The following SNX18 variants were observed in gnomAD, a reference collection of about 807,000 sequenced individuals.
The protein encoded by SNX18 is sorting nexin 18, also known as sorting nexin-18.
SNX18 carries 35 observed loss-of-function variants against 48.7 expected under a neutral mutation model. The observed-to-expected ratio is 0.72, with a 90% CI of 0.55 to 0.95. SNX18 has a LOEUF of 0.95. SNX18 is among the 40% of genes least tolerant of loss of function. The probability of loss-of-function intolerance (pLI) is 0.00; values close to 1 mark genes in which losing one functional copy is unlikely to be tolerated. For synonymous variants in SNX18, 492 were observed against 384.7 expected (o/e 1.28, Z -3.26); for missense variants, 824 against 871.0 (o/e 0.95, Z 0.68).
At chr5:54,562,211 G>A in the SNX18 span, among the ~76,000 whole-genome samples, 1 of 152,226 alleles carries the variant, frequency 6.6e-6, no homozygotes, top group Non-Finnish European at 1.5e-5. Context: ...TGGACACCAA[G>A]AGGAGGTGAC....
At chr5:54,564,354 A>G in the SNX18 span, among the ~76,000 whole-genome samples, 272 of 152,302 alleles carry the variant, frequency 1.8e-3, 1 homozygote, top group African/African-American at 6.4e-3. Flanking sequence ...AATACAGCCT[A>G]ATTTATTTTC....
At chr5:54,528,029 G>T (rs1185168448) in intron 1 of SNX18, among the ~76,000 whole-genome samples, 2 of 152,050 alleles carry the variant, frequency 1.3e-5, no homozygotes, top group Non-Finnish European at 2.9e-5. Flanking sequence ...TTGGGGAGGG[G>T]AGGGGAAGTT....
At chr5:54,532,168 T>A (rs2112848571) in intron 1 of SNX18, among the ~76,000 whole-genome samples, 1 of 152,288 alleles carries the variant, frequency 6.6e-6, no homozygotes, top group East Asian at 1.9e-4. Flanking sequence ...TGGGTCTCCC[T>A]TTATCTTTCT....
chr5:54,542,064 C>T (rs1178657041), intron 1 of SNX18, among the ~76,000 whole-genome samples: 1 of 152,142 alleles, frequency 6.6e-6, no homozygotes, highest in Non-Finnish European at 1.5e-5. Flanking sequence ...TCTGTCTTGC[C>T]TTTCAGTATG....
the SNX18 span, among the ~76,000 whole-genome samples, chr5:54,608,681 CTGTG>C: frequency 6.6e-6 from 1 of 152,188 alleles, no homozygotes; most frequent in African/African-American, 2.4e-5. Context: ...ACTGGTGTGT[CTGTG>C]TGGGGGTGTA....
the SNX18 span, among the ~76,000 whole-genome samples, chr5:54,625,353 C>A: frequency 0.028 from 4,207 of 152,276 alleles, 205 homozygotes; most frequent in African/African-American, 0.096. Context: ...GGGCTGTAAT[C>A]ATCTCCAGAC....
At chr5:54,603,029 G>A in the SNX18 span, among the ~76,000 whole-genome samples, 28 of 152,148 alleles carry the variant, frequency 1.8e-4, no homozygotes, top group Middle Eastern at 0.014. Flanking sequence ...AAACCTCATG[G>A]CAATGTTTCC....
chr5:54,543,403 G>A lies in SNX18; in HGVS notation c.1846G>A (p.Glu616Lys). 6.2e-7 allele frequency: 1 copy of A among 1,614,160 alleles called. No individual in the cohort carries two copies. The change falls in exon 2 of 2, where the codon GAA becomes AAA. Residue 616 changes from glutamate to lysine, a missense_variant. Transcript: ENST00000381410. Reference protein sequence around the residue: ...FFQKVTQKLEEALHKYDSV With the variant: ...FFQKVTQKLEKALHKYDSV ...CCAAAAAGTTACCCAGAAGTTGGAA[G>A]AAGCTCTTCACAAATATGATAGTGT...
the SNX18 span, among the ~76,000 whole-genome samples, chr5:54,637,179 G>A: frequency 1.3e-5 from 2 of 152,114 alleles, no homozygotes; most frequent in Non-Finnish European, 2.9e-5. Context: ...GTAAAGGGGA[G>A]AGCCATCATA....
the SNX18 span, among the ~76,000 whole-genome samples, chr5:54,583,337 C>T: frequency 2.0e-5 from 3 of 152,206 alleles, no homozygotes; most frequent in Non-Finnish European, 4.4e-5. Flanking sequence ...ATTTGACAAA[C>T]ACCTACTGAA....
At chr5:54,574,135 G>A in the SNX18 span, among the ~76,000 whole-genome samples, 4 of 152,206 alleles carry the variant, frequency 2.6e-5, no homozygotes, top group African/African-American at 9.7e-5. Flanking sequence ...CCAGACAACT[G>A]GTGTGTGGAA....
At chr5:54,612,484 C>T in the SNX18 span, among the ~76,000 whole-genome samples, 1 of 151,902 alleles carries the variant, frequency 6.6e-6, no homozygotes, top group Non-Finnish European at 1.5e-5. Flanking sequence ...AGGCTGGTCT[C>T]GAACTCCTGA....
At chr5:54,634,351 G>A in the SNX18 span, among the ~76,000 whole-genome samples, 1 of 152,102 alleles carries the variant, frequency 6.6e-6, no homozygotes, top group Non-Finnish European at 1.5e-5. Context: ...ATACATTCAG[G>A]AAAGAGGGGC....
At chr5:54,577,858 A>G in the SNX18 span, among the ~76,000 whole-genome samples, 4 of 152,226 alleles carry the variant, frequency 2.6e-5, no homozygotes, top group East Asian at 1.9e-4. Flanking sequence ...ATAACACCAC[A>G]TGGTGGTGGT....
At chr5:54,639,362 T>C in the SNX18 span, among the ~76,000 whole-genome samples, 1 of 152,254 alleles carries the variant, frequency 6.6e-6, no homozygotes, top group African/African-American at 2.4e-5. Flanking sequence ...GAGTGGCTAT[T>C]CTTAATTGTG....
At chr5:54,521,152 C>A (rs1031698533) in intron 1 of SNX18, 2 of 152,198 alleles carry the variant, frequency 1.3e-5, no homozygotes, top group African/African-American at 4.8e-5. Context: ...GCTGGCTGCC[C>A]TTTTACACAT....
intron 1 of SNX18, among the ~76,000 whole-genome samples, chr5:54,524,985 G>A (rs549628531): frequency 3.0e-4 from 46 of 152,364 alleles, no homozygotes; most frequent in African/African-American, 1.1e-3. Flanking sequence ...GCCAGTGAAG[G>A]GGCAGCATGC....
chr5:54,561,504 ATTTT>A, the SNX18 span, among the ~76,000 whole-genome samples: 1 of 133,008 alleles, frequency 7.5e-6, no homozygotes, highest in Non-Finnish European at 1.6e-5. Flanking sequence ...CGCCCAGCTA[ATTTT>A]TTTTTTTTTT....
At chr5:54,642,265 T>A in the SNX18 span, among the ~76,000 whole-genome samples, 1 of 152,244 alleles carries the variant, frequency 6.6e-6, no homozygotes, top group Admixed American at 6.5e-5. Flanking sequence ...CAGAGTTCGA[T>A]TTACAAAATA....
Sources: allele counts gnomAD v4.1 joint callset (sites outside exome capture counted in the v4.1 genomes callset), GRCh38; gene constraint gnomAD v4.1.1; transcripts MANE v1.5; gene names NCBI Gene and HGNC (gene_info 2026-07-23, HGNC 2026-07-21).